Variants in SCAMP3 observed in about 807,000 individuals in gnomAD.
The protein encoded by SCAMP3 is secretory carrier-associated membrane protein 3.
SCAMP3 carries 30 observed loss-of-function variants against 44.1 expected under a neutral mutation model. That is an observed-to-expected ratio of 0.68 (90% CI 0.51 to 0.92). The LOEUF (loss-of-function observed/expected upper bound fraction) is 0.92, where lower values mean the gene tolerates loss of function less well. Ranked by LOEUF, SCAMP3 falls within the 40% of genes least tolerant of loss-of-function variation. The pLI is 0.00. For synonymous variants in SCAMP3, 168 were observed against 171.1 expected, an observed-to-expected ratio of 0.98 and a Z score of 0.14; for missense variants, 394 against 440.0, an observed-to-expected ratio of 0.90 and a Z score of 0.93.
Position 155,258,845 on chromosome 1 carries a change from G to C in SCAMP3, c.498C>G (p.Thr166=), listed in dbSNP as rs763082261. ...IPQEFQKTVS[T]MYYLWMCSTL... The stretch of plus-strand genomic sequence containing the variant: ...ACTCACACATCCAGAGGTAGTACAT[G>C]GTGGATACAGTCTTCTGAAATTCTT... Residue 166 remains threonine (T), a synonymous_variant, in exon 5 of 9, where the codon ACC becomes ACG. Coordinates refer to ENST00000302631, the MANE Select transcript of SCAMP3 (RefSeq NM_005698.4). 1.9e-6 allele frequency: 3 copies of C among 1,612,210 alleles called. No homozygotes were observed. Among genetic ancestry groups the C allele is most frequent in the Non-Finnish European group, 2.5e-6 (3 of 1,179,236 alleles).
intron 5 of SCAMP3, among the ~76,000 whole-genome samples, chr1:155,258,412 T>C (rs1433217074): frequency 2.8e-5 from 4 of 144,734 alleles, no homozygotes; most frequent in Non-Finnish European, 4.5e-5. Flanking sequence ...TCTTGGCTCA[T>C]TGCAACCTCC....
chr1:155,260,310 T>A lies in SCAMP3; in HGVS notation c.388+20A>T, dbSNP rs765870222. ...GCTCCTCCCAAACTCTCAGATGCTC[T>A]TCCCCACTCTATTACTTACTAGCTG... On this transcript the variant is annotated intron_variant, in intron 4 of 8. Transcript: ENST00000302631. 2.0e-5 allele frequency: 32 copies of A among 1,607,850 alleles called. No homozygotes were observed. Among genetic ancestry groups the A allele is most frequent in the South Asian group, 1.4e-4 (13 of 91,078 alleles).
At position 155,262,171 on chromosome 1, in the gene SCAMP3, G is replaced by A. The variant is rs1572007698; in HGVS notation, c.-20C>T. The A allele has an allele frequency of 1.9e-6, 3 of 1,610,992 alleles. No homozygotes were observed. The highest frequency in any genetic ancestry group is 2.5e-6 in the Non-Finnish European group (3 of 1,179,122). ...AGCCATGTTTGCAACTGCGGCCTCC[G>A]CGGCCCTCTGCCCTCCACGCCCCTG... On this transcript the variant is annotated 5_prime_UTR_variant, in exon 1 of 9. Coordinates refer to ENST00000302631, the MANE Select transcript of SCAMP3 (RefSeq NM_005698.4).
chr1:155,258,744 G>A (rs940612072), intron 5 of SCAMP3, 82 bp downstream of exon 5: 37 of 1,314,036 alleles, frequency 2.8e-5, no homozygotes, highest in Admixed American at 4.6e-5. Context: ...TAGAGGTGAA[G>A]TGTTTGGTTC....
At chr1:155,257,777 C>T in intron 5 of SCAMP3, 120 bp from the exon 6 acceptor site, 1 of 921,652 alleles carries the variant, frequency 1.1e-6, no homozygotes, top group Non-Finnish European at 1.6e-6. Context: ...AAGGCAGCTG[C>T]TGCCTTCATG....
chr1:155,257,428 G>C lies in SCAMP3; in HGVS notation c.678-42C>G, dbSNP rs757364388. The C allele has an allele frequency of 3.1e-6, 5 of 1,607,922 alleles. 1 individual carries two copies. In the South Asian group the frequency reaches 5.5e-5, roughly 18 times the overall value. ...AATGGGGAGGGTGGGAGAAGAATTA[G>C]AGCTGAAGGATGGGCAGACGTGGGG... is the stretch of plus-strand genomic sequence containing the variant. On this transcript the variant is annotated intron_variant, in intron 6 of 8. Coordinates refer to ENST00000302631, the MANE Select transcript of SCAMP3 (RefSeq NM_005698.4).
At chr1:155,257,964 C>T (rs937786547) in intron 5 of SCAMP3, among the ~76,000 whole-genome samples, 4 of 151,824 alleles carry the variant, frequency 2.6e-5, no homozygotes, top group African/African-American at 9.7e-5. Context: ...CCTGCCTCAG[C>T]CTCCAGAGTA....
chr1:155,262,132 C>T lies in SCAMP3; in HGVS notation c.20G>A (p.Gly7Asp), dbSNP rs1672984839. 2 of 1,613,882 alleles carry T rather than the reference C, an allele frequency of 1.2e-6. No individual in the cohort carries two copies. Among genetic ancestry groups the T allele is most frequent in the Non-Finnish European group, 1.7e-6 (2 of 1,180,052 alleles). The change falls in exon 1 of 9, where the codon GGC becomes GAC. Residue 7 changes from glycine to aspartate, a missense_variant. Transcript: ENST00000302631. ...GCTGGGCTCGGCGAACGGGTTTCCG[C>T]CGTCTCTGCTCTGAGCCATGTTTGC... MAQSRD[G>D]GNPFAEPSEL...
At position 155,261,749 on chromosome 1, in the gene SCAMP3, C is replaced by G. The variant is rs770916159; in HGVS notation, c.67-15G>C. On this transcript the variant is annotated splice_polypyrimidine_tract_variant and intron_variant, in intron 1 of 8. Transcript: ENST00000302631. ...ACAGCTGGGTCCTGAGGGCAGAGAC[C>G]CGGGTCTCAGCTGGCACCCAGTGCC... The G allele has an allele frequency of 9.3e-6, 15 of 1,613,236 alleles. No individual in the cohort carries two copies. The highest frequency in any genetic ancestry group is 1.2e-5 in the Non-Finnish European group (14 of 1,179,742).
At chr1:155,259,281 TCTC>T (rs1208602507) in intron 4 of SCAMP3, among the ~76,000 whole-genome samples, 4 of 151,714 alleles carry the variant, frequency 2.6e-5, no homozygotes, top group African/African-American at 9.7e-5. Context: ...TTCAAGTAAT[TCTC>T]CTGCCTCAGT....
intron 5 of SCAMP3, among the ~76,000 whole-genome samples, chr1:155,258,023 C>CTT (rs1387005364): frequency 1.0e-5 from 1 of 100,000 alleles, no homozygotes; most frequent in Non-Finnish European, 2.0e-5. Context: ...TTTTTTTTTT[C>CTT]TTTTTTTTTT....
intron 4 of SCAMP3, 46 bp downstream of exon 4, chr1:155,260,284 T>G (rs1301640411): frequency 6.2e-7 from 1 of 1,601,952 alleles, no homozygotes; most frequent in Non-Finnish European, 8.5e-7. Context: ...GACCTGTTTT[T>G]GCTCCTCCCA....
At chr1:155,258,995 CAG>C in intron 4 of SCAMP3, 41 bp from the exon 5 acceptor site, 3 of 1,563,530 alleles carry the variant, frequency 1.9e-6, no homozygotes, top group Non-Finnish European at 2.6e-6. Flanking sequence ...AGAAGTAAAA[CAG>C]AGACCAACAA....
intron 5 of SCAMP3, 85 bp from the exon 6 acceptor site, chr1:155,257,742 C>T (rs1380947682): frequency 7.7e-7 from 1 of 1,300,498 alleles, no homozygotes; most frequent in South Asian, 1.3e-5. Context: ...ATAATATTCA[C>T]CAAACATGGC....
intron 4 of SCAMP3, 43 bp downstream of exon 4, chr1:155,260,287 T>C (rs879538766): frequency 1.9e-6 from 3 of 1,602,460 alleles, no homozygotes; most frequent in Admixed American, 3.3e-5. Flanking sequence ...CTGTTTTTGC[T>C]CCTCCCAAAC....
intron 5 of SCAMP3, among the ~76,000 whole-genome samples, 199 bp from the exon 6 acceptor site, chr1:155,257,856 T>A (rs2148118911): frequency 6.6e-6 from 1 of 152,302 alleles, no homozygotes; most frequent in South Asian, 2.1e-4. Flanking sequence ...AAGACATTTT[T>A]TTTTTTGAGA....
At chr1:155,259,009 G>A in intron 4 of SCAMP3, 55 bp from the exon 5 acceptor site, 1 of 1,502,296 alleles carries the variant, frequency 6.7e-7, no homozygotes, top group South Asian at 1.2e-5. Context: ...GACCAACAAA[G>A]GAATCACTCC....
In SCAMP3 at chr1:155,261,708, G is replaced by A; in HGVS notation, c.93C>T (p.Pro31=). ...FQDPAVIQHR[P]SRQYATLDVY... is the part of the protein sequence containing the mutation. ...CGTCAAGCGTGGCATACTGCCGGCT[G>A]GGTCGGTGCTGGATCACAGCTGGGT... Residue 31 remains proline (P), a synonymous_variant, in exon 2 of 9, where the codon CCC becomes CCT. Transcript: ENST00000302631. The A allele has an allele frequency of 2.5e-6, 4 of 1,614,050 alleles. No individual in the cohort carries two copies. The highest frequency in any genetic ancestry group is 3.4e-6 in the Non-Finnish European group (4 of 1,180,014).
chr1:155,260,294 A>G, intron 4 of SCAMP3, 36 bp downstream of exon 4: 2 of 1,604,388 alleles, frequency 1.2e-6, no homozygotes, highest in Non-Finnish European at 1.7e-6. Flanking sequence ...TGCTCCTCCC[A>G]AACTCTCAGA....
Sources: gnomAD v4.1 joint callset for allele counts (sites outside exome capture counted in the v4.1 genomes callset) on GRCh38, gnomAD v4.1.1 for gene constraint, MANE v1.5 for transcripts, NCBI Gene and HGNC (gene_info 2026-07-23, HGNC 2026-07-21) for gene names.